The following TENM3 variants were observed in gnomAD, a reference collection of about 807,000 sequenced individuals.
The protein encoded by TENM3 is teneurin transmembrane protein 3, also known as teneurin-3.
Under a neutral mutation model 255.1 loss-of-function variants are expected in TENM3, and 63 were observed. That is an observed-to-expected ratio of 0.25 (90% CI 0.20 to 0.30). The LOEUF is 0.30. TENM3 is among the 10% of genes least tolerant of loss of function. The pLI is 1.00. For missense variants in TENM3, 2,929 were observed against 3,461.1 expected (o/e 0.85, Z 3.86); for synonymous variants, 1,306 against 1,322.3 (o/e 0.99, Z 0.27).
chr4:181,529,134 G>T, the TENM3 span, among the ~76,000 whole-genome samples: 6 of 152,170 alleles, frequency 3.9e-5, no homozygotes, highest in Admixed American at 1.3e-4. Context: ...ATGCTCTACT[G>T]CTGGGAAAGG....
At chr4:182,260,009 T>A (rs1011864948) in intron 1 of TENM3, among the ~76,000 whole-genome samples, 20 of 152,210 alleles carry the variant, frequency 1.3e-4, no homozygotes, top group African/African-American at 4.8e-4. Context: ...TGTGCCTGGC[T>A]TATTTCACGT....
chr4:182,589,381 C>T (rs1746364617), intron 3 of TENM3, among the ~76,000 whole-genome samples: 1 of 151,532 alleles, frequency 6.6e-6, no homozygotes, highest in South Asian at 2.1e-4. Flanking sequence ...TTCCTATGTA[C>T]AGACATTCTA....
the TENM3 span, among the ~76,000 whole-genome samples, chr4:181,878,031 CT>C: frequency 3.9e-5 from 6 of 152,100 alleles, no homozygotes; most frequent in Non-Finnish European, 8.8e-5. Context: ...AACGAGACAC[CT>C]GACATAAGGG....
chr4:181,530,859 T>C, the TENM3 span, among the ~76,000 whole-genome samples: 8 of 152,148 alleles, frequency 5.3e-5, no homozygotes, highest in African/African-American at 1.9e-4. Flanking sequence ...CATGAACTGA[T>C]CTAAGAAGTT....
At position 182,793,433 on chromosome 4, in the gene TENM3, C is replaced by CTT; in HGVS notation, c.6762_6763dup (p.Tyr2255PhefsTer60). 1 of 1,613,942 alleles carries CTT rather than the reference C, an allele frequency of 6.2e-7. No individual in the cohort carries two copies. Among genetic ancestry groups the CTT allele is most frequent in the Non-Finnish European group, 8.5e-7 (1 of 1,179,864 alleles). The stretch of plus-strand genomic sequence containing the variant: ...CTGCAGTTTTTTTATGCTGACTTAA[C>CTT]TTATCCCACTAGGATTACTCATGTC... On this transcript the variant is annotated frameshift_variant, in exon 26 of 28. Coordinates refer to ENST00000511685, the MANE Select transcript of TENM3 (RefSeq NM_001080477.4). LOFTEE classifies it high-confidence loss of function. This position sits in a 1 kb window ranked among gnomAD's most constrained non-coding sequence, Gnocchi z 5.7.
the TENM3 span, among the ~76,000 whole-genome samples, chr4:181,915,228 C>G: frequency 6.6e-6 from 1 of 152,160 alleles, no homozygotes; most frequent in African/African-American, 2.4e-5. Context: ...TTTTATCCTG[C>G]TCCTTTACCA....
the TENM3 span, among the ~76,000 whole-genome samples, chr4:182,030,801 T>G: frequency 6.6e-6 from 1 of 152,192 alleles, no homozygotes; most frequent in Non-Finnish European, 1.5e-5. Context: ...ACTCTAATGA[T>G]CAGTGACGTT....
chr4:181,886,114 G>A, the TENM3 span, among the ~76,000 whole-genome samples: 3,043 of 145,674 alleles, frequency 0.021, 56 homozygotes, highest in Non-Finnish European at 0.035. Context: ...ATGCAGTGGC[G>A]TGATCGCCAC....
At chr4:182,638,709 C>T (rs1238053109) in intron 5 of TENM3, among the ~76,000 whole-genome samples, 4 of 152,174 alleles carry the variant, frequency 2.6e-5, no homozygotes, top group Non-Finnish European at 5.9e-5. Flanking sequence ...GGTGGCTGTC[C>T]ATCAGCCAGC....
chr4:182,387,231 C>A (rs1476537571), intron 3 of TENM3, among the ~76,000 whole-genome samples: 1 of 152,168 alleles, frequency 6.6e-6, no homozygotes, highest in Non-Finnish European at 1.5e-5. Context: ...GTAAACACAC[C>A]AGTCAGCACC....
intron 12 of TENM3, among the ~76,000 whole-genome samples, chr4:182,692,199 C>T (rs17073853): frequency 0.031 from 4,707 of 152,266 alleles, 230 homozygotes; most frequent in African/African-American, 0.1. Context: ...GGAAAATCTC[C>T]TATGGGACTG....
At chr4:182,068,033 G>A in the TENM3 span, among the ~76,000 whole-genome samples, 5 of 152,114 alleles carry the variant, frequency 3.3e-5, no homozygotes, top group African/African-American at 1.2e-4. Flanking sequence ...CCATTCATGA[G>A]ACAATTCCTT....
At chr4:181,824,557 T>C in the TENM3 span, among the ~76,000 whole-genome samples, 1 of 152,242 alleles carries the variant, frequency 6.6e-6, no homozygotes, top group East Asian at 1.9e-4. Context: ...AAAGTATATA[T>C]ACTTAAATGT....
At position 182,565,136 on chromosome 4, in the gene TENM3, A is replaced by G. The variant is rs114808128; in HGVS notation, c.512-35788A>G. Reference sequence around the variant, plus strand: ...GTAAAGACACTATGTTGCACAGTTTATAAAGTACACGTCTTAATGGAACAG... The same window carrying G: ...GTAAAGACACTATGTTGCACAGTTTGTAAAGTACACGTCTTAATGGAACAG... On this transcript the variant is annotated intron_variant, in intron 3 of 27. Transcript: ENST00000511685. Among the ~76,000 whole-genome samples, 863 of 152,328 alleles carry G rather than the reference A, an allele frequency of 5.7e-3. 3 individuals are homozygous for G. Among genetic ancestry groups the G allele is most frequent in the African/African-American group, 0.02 (821 of 41,570 alleles).
At chr4:181,519,123 C>A in the TENM3 span, among the ~76,000 whole-genome samples, 1 of 152,180 alleles carries the variant, frequency 6.6e-6, no homozygotes, top group African/African-American at 2.4e-5. Context: ...GACTGGAAAT[C>A]TGCAGCTGGG....
At chr4:181,601,888 A>G in the TENM3 span, among the ~76,000 whole-genome samples, 1 of 152,122 alleles carries the variant, frequency 6.6e-6, no homozygotes, top group Non-Finnish European at 1.5e-5. Context: ...AGCATGCCTT[A>G]TCTTGTAGAA....
chr4:182,540,101 A>G (rs1042081776), intron 3 of TENM3, among the ~76,000 whole-genome samples: 4 of 152,262 alleles, frequency 2.6e-5, no homozygotes, highest in Admixed American at 2.6e-4. Flanking sequence ...ATTGACAAGA[A>G]AGTTTGATTT....
chr4:182,582,587 T>G (rs1324388876), intron 3 of TENM3, among the ~76,000 whole-genome samples: 2 of 151,740 alleles, frequency 1.3e-5, no homozygotes, highest in African/African-American at 4.8e-5. Flanking sequence ...TACTAAGTAA[T>G]TAAATTACTT....
chr4:182,268,101 A>G (rs945768312), intron 1 of TENM3, among the ~76,000 whole-genome samples: 11 of 152,164 alleles, frequency 7.2e-5, no homozygotes, highest in African/African-American at 2.7e-4. Context: ...CCCAGTTCAT[A>G]AAAAAGCCTT....
Sources: allele counts gnomAD v4.1 joint callset (sites outside exome capture counted in the v4.1 genomes callset), GRCh38; gene constraint gnomAD v4.1.1; non-coding constraint Gnocchi (gnomAD v3.1); transcripts MANE v1.5; gene names NCBI Gene and HGNC (gene_info 2026-07-23, HGNC 2026-07-21).